The following CFAP61 variants were observed in gnomAD, a reference collection of about 807,000 sequenced individuals.
The protein encoded by CFAP61 is cilia- and flagella-associated protein 61.
In CFAP61, 107 loss-of-function variants were observed where a neutral mutation model predicts 135.6. The ratio of observed to expected loss-of-function variants is 0.79; its 90% CI spans 0.67 to 0.93. The LOEUF is 0.93. CFAP61 is among the 40% of genes least tolerant of loss of function. The pLI, the probability that CFAP61 is intolerant of heterozygous loss-of-function variation, is 0.00. For missense variants in CFAP61, 1,507 were observed against 1,556.2 expected (o/e 0.97, Z 0.53); for synonymous variants, 575 against 578.5 (o/e 0.99, Z 0.09).
At chr20:20,334,674 G>A (rs541680180) in intron 25 of CFAP61, among the ~76,000 whole-genome samples, 2 of 152,240 alleles carry the variant, frequency 1.3e-5, no homozygotes, top group African/African-American at 2.4e-5. Context: ...CTGCTCTTTC[G>A]GTTATGTAAA....
At position 20,196,675 on chromosome 20, in the gene CFAP61, A is replaced by G. The variant is rs1294395060; in HGVS notation, c.1696A>G (p.Ile566Val). The change falls in exon 16 of 27, where the codon ATT (isoleucine) becomes GTT (valine). Residue 566 changes from isoleucine to valine, a missense_variant. Transcript: ENST00000245957. ...CATGCATCACTTTGCCCTCAACCCC[A>G]TTTTCCGGCACTACACCAAGTTCTT... ...GHMHHFALNP[I>V]FRHYTKFFLK... 3.1e-6 allele frequency: 5 copies of G among 1,613,736 alleles called. No individual in the cohort carries two copies. The highest frequency in any genetic ancestry group is 1.3e-5 in the African/African-American group (1 of 74,786).
chr20:20,360,348 C>T lies in CFAP61; in HGVS notation c.3652C>T (p.Leu1218Phe). The T allele has an allele frequency of 1.9e-6, 3 of 1,613,910 alleles. No homozygotes were observed. Among genetic ancestry groups the T allele is most frequent in the Non-Finnish European group, 2.5e-6 (3 of 1,180,028 alleles). ...IYKTLVERST[L>F]DYLHYNRYHL... ...CAAAACCCTGGTGGAGAGAAGCACT[C>T]TTGACTACCTGCACTATAACCGCTA... The change falls in exon 27 of 27, where the codon CTT becomes TTT. Residue 1218 changes from leucine to phenylalanine, a missense_variant. By Grantham distance (22) the Leu-to-Phe change is conservative (BLOSUM62 0). Transcript: ENST00000245957.
At chr20:20,283,863 C>T (rs1324436164) in intron 22 of CFAP61, among the ~76,000 whole-genome samples, 1 of 152,184 alleles carries the variant, frequency 6.6e-6, no homozygotes, top group Admixed American at 6.5e-5. Context: ...TATTTCAAAT[C>T]CTTCTTCAGA....
At chr20:20,259,382 T>C (rs116855042) in intron 20 of CFAP61, among the ~76,000 whole-genome samples, 2,352 of 150,554 alleles carry the variant, frequency 0.016, 34 homozygotes, top group Non-Finnish European at 0.022. Context: ...GCCTCCCGAG[T>C]AGCTGGGACT....
chr20:20,249,538 C>G (rs1163265917), intron 19 of CFAP61, among the ~76,000 whole-genome samples: 1 of 152,122 alleles, frequency 6.6e-6, no homozygotes, highest in Non-Finnish European at 1.5e-5. Context: ...GATCTTGTCT[C>G]AAGTAAATAA....
At chr20:20,316,203 C>T (rs919470303) in intron 25 of CFAP61, among the ~76,000 whole-genome samples, 41 of 152,126 alleles carry the variant, frequency 2.7e-4, no homozygotes, top group Non-Finnish European at 3.4e-4. Context: ...TTTGTATCCT[C>T]ATTTATTTCC....
intron 25 of CFAP61, among the ~76,000 whole-genome samples, chr20:20,337,575 TGG>T (rs1241205019): frequency 0.031 from 64 of 2,080 alleles, 5 homozygotes; most frequent in Non-Finnish European, 0.05. Flanking sequence ...GATGGATGGA[TGG>T]ATAGATGTGG....
intron 9 of CFAP61, among the ~76,000 whole-genome samples, chr20:20,155,051 A>G (rs2052772260): frequency 6.6e-6 from 1 of 152,224 alleles, no homozygotes; most frequent in African/African-American, 2.4e-5. Flanking sequence ...TTACCAAAAA[A>G]GCATGGTACT....
chr20:20,101,587 A>C (rs2048023224), intron 8 of CFAP61, among the ~76,000 whole-genome samples: 1 of 133,246 alleles, frequency 7.5e-6, no homozygotes, highest in Non-Finnish European at 1.6e-5. Flanking sequence ...CACAAGATAC[A>C]TGATGAGTTT....
chr20:20,178,975 A>C (rs1237928518), intron 13 of CFAP61, among the ~76,000 whole-genome samples: 1 of 152,192 alleles, frequency 6.6e-6, no homozygotes, highest in African/African-American at 2.4e-5. Context: ...AGAAAGACTC[A>C]GATCACTTTT....
intron 18 of CFAP61, among the ~76,000 whole-genome samples, chr20:20,235,358 C>T (rs2049502322): frequency 6.6e-6 from 1 of 152,132 alleles, no homozygotes; most frequent in African/African-American, 2.4e-5. Context: ...GTATGGACAT[C>T]ACTTGGGAAC....
intron 6 of CFAP61, among the ~76,000 whole-genome samples, chr20:20,089,031 C>A (rs377535680): frequency 2.0e-5 from 3 of 152,178 alleles, no homozygotes; most frequent in Admixed American, 2.0e-4. Context: ...TCCTGCAGGG[C>A]GCAGGAGGAA....
chr20:20,230,139 A>G (rs1227068675), intron 18 of CFAP61, among the ~76,000 whole-genome samples: 1 of 152,234 alleles, frequency 6.6e-6, no homozygotes, highest in Non-Finnish European at 1.5e-5. Flanking sequence ...TGTGGAGTCA[A>G]CTTAGATCTA....
At chr20:20,270,864 G>A (rs1351851829) in intron 21 of CFAP61, among the ~76,000 whole-genome samples, 1 of 152,052 alleles carries the variant, frequency 6.6e-6, no homozygotes, top group Non-Finnish European at 1.5e-5. Flanking sequence ...TAGAGATGGG[G>A]TTTCACCATT....
chr20:20,268,032 C>T (rs927371491), intron 21 of CFAP61, among the ~76,000 whole-genome samples: 1 of 152,224 alleles, frequency 6.6e-6, no homozygotes, highest in Non-Finnish European at 1.5e-5. Context: ...TTTGAAAAGT[C>T]GCATGGAGCC....
At chr20:20,201,928 G>T (rs2056641053) in intron 17 of CFAP61, among the ~76,000 whole-genome samples, 1 of 152,152 alleles carries the variant, frequency 6.6e-6, no homozygotes, top group African/African-American at 2.4e-5. Flanking sequence ...TGGATATCAG[G>T]AAGCATCGTT....
intron 17 of CFAP61, among the ~76,000 whole-genome samples, chr20:20,212,660 C>G (rs1360669650): frequency 6.6e-6 from 1 of 152,188 alleles, no homozygotes; most frequent in Non-Finnish European, 1.5e-5. Context: ...GGAACCCCTG[C>G]TATCCTCCAC....
At chr20:20,125,606 T>G (rs895836647) in intron 8 of CFAP61, among the ~76,000 whole-genome samples, 1 of 151,834 alleles carries the variant, frequency 6.6e-6, no homozygotes, top group Admixed American at 6.5e-5. Context: ...TTAATTTTCT[T>G]AAATTTATTG....
At chr20:20,137,908 G>A (rs891186690) in intron 8 of CFAP61, among the ~76,000 whole-genome samples, 3 of 152,166 alleles carry the variant, frequency 2.0e-5, no homozygotes, top group East Asian at 1.9e-4. Context: ...CCCATGGCGA[G>A]TACTACCTGG....
Sources: allele counts gnomAD v4.1 joint callset (sites outside exome capture counted in the v4.1 genomes callset), GRCh38; gene constraint gnomAD v4.1.1; transcripts MANE v1.5; gene names NCBI Gene and HGNC (gene_info 2026-07-23, HGNC 2026-07-21).